NCOA2: variants seen among roughly 807,000 people sequenced by gnomAD.
NCOA2 encodes class E basic helix-loop-helix protein 75.
In NCOA2, 21 loss-of-function variants were observed where a neutral mutation model predicts 145.1. The ratio of observed to expected loss-of-function variants is 0.14; its 90% CI spans 0.10 to 0.21. The LOEUF (loss-of-function observed/expected upper bound fraction) is 0.21, where lower values mean the gene tolerates loss of function less well. Among genes scored for constraint, NCOA2 ranks in the 10% least tolerant of loss-of-function variants. The pLI is 1.00. For missense variants in NCOA2, 1,472 were observed against 1,837.6 expected (o/e 0.80, Z 3.64); for synonymous variants, 619 against 637.5 (o/e 0.97, Z 0.44).
intron 1 of NCOA2, among the ~76,000 whole-genome samples, chr8:70,342,801 AC>A (rs1808259188): frequency 6.7e-6 from 1 of 149,886 alleles, no homozygotes; most frequent in Non-Finnish European, 1.5e-5. Flanking sequence ...ACACACACAC[AC>A]ACACACACAC....
intron 1 of NCOA2, among the ~76,000 whole-genome samples, chr8:70,344,557 C>A (rs763777879): frequency 2.6e-5 from 4 of 152,138 alleles, no homozygotes; most frequent in African/African-American, 4.8e-5. Flanking sequence ...CTGCAAACAG[C>A]GGCAGTATTA....
chr8:70,449,911 G>A, the NCOA2 span, among the ~76,000 whole-genome samples: 1 of 152,240 alleles, frequency 6.6e-6, no homozygotes, highest in Non-Finnish European at 1.5e-5. Context: ...GGTTGGGACA[G>A]TATGAAATGC....
intron 2 of NCOA2, among the ~76,000 whole-genome samples, chr8:70,234,674 G>C (rs1821448011): frequency 6.6e-6 from 1 of 152,040 alleles, no homozygotes; most frequent in Non-Finnish European, 1.5e-5. Context: ...TCTTTGGAGA[G>C]GTGCCTACTC....
At chr8:70,304,172 C>T (rs1827705287) in intron 1 of NCOA2, among the ~76,000 whole-genome samples, 1 of 152,202 alleles carries the variant, frequency 6.6e-6, no homozygotes, top group African/African-American at 2.4e-5. Flanking sequence ...TGCATAACAA[C>T]ATTTGTCAAT....
At chr8:70,323,235 G>A (rs750804807) in intron 1 of NCOA2, among the ~76,000 whole-genome samples, 17 of 152,296 alleles carry the variant, frequency 1.1e-4, no homozygotes, top group Middle Eastern at 3.4e-3. Context: ...ATCCCTGCCT[G>A]AGTAGAGTTT....
At chr8:70,302,060 T>C (rs1239449928) in intron 1 of NCOA2, among the ~76,000 whole-genome samples, 1 of 152,154 alleles carries the variant, frequency 6.6e-6, no homozygotes, top group Non-Finnish European at 1.5e-5. Context: ...AAAAACACCT[T>C]TAAGTCACCA....
At chr8:70,303,772 A>C (rs762022338) in intron 1 of NCOA2, among the ~76,000 whole-genome samples, 1 of 152,132 alleles carries the variant, frequency 6.6e-6, no homozygotes, top group Admixed American at 6.5e-5. Flanking sequence ...AACTGACAAC[A>C]GTCTTTAACA....
chr8:70,261,450 G>GT (rs1824122746), intron 2 of NCOA2, among the ~76,000 whole-genome samples: 3 of 152,028 alleles, frequency 2.0e-5, no homozygotes, highest in Non-Finnish European at 2.9e-5. Flanking sequence ...GTGGGGTGGG[G>GT]GGAGGCGGGA....
intron 16 of NCOA2, 86 bp from the exon 17 acceptor site, chr8:70,129,066 T>A: frequency 7.8e-7 from 1 of 1,288,922 alleles, no homozygotes; most frequent in Non-Finnish European, 1.1e-6. Flanking sequence ...CTCACTATCA[T>A]ATATTTGAAG....
the NCOA2 span, among the ~76,000 whole-genome samples, chr8:70,439,316 C>T: frequency 3.3e-5 from 5 of 152,198 alleles, no homozygotes; most frequent in South Asian, 1.0e-3. Context: ...GCCGCATGGA[C>T]AAAGTGTAGC....
chr8:70,310,384 G>A (rs545789122), intron 1 of NCOA2, among the ~76,000 whole-genome samples: 4 of 150,064 alleles, frequency 2.7e-5, no homozygotes, highest in African/African-American at 9.8e-5. Context: ...TAGAGTGACC[G>A]AGAGTTTGAG....
At chr8:70,448,982 T>A in the NCOA2 span, among the ~76,000 whole-genome samples, 736 of 152,060 alleles carry the variant, frequency 4.8e-3, 2 homozygotes, top group African/African-American at 0.017. Context: ...TTAAAAAAAA[T>A]TTTTTTAGAG....
intron 4 of NCOA2, among the ~76,000 whole-genome samples, chr8:70,212,152 A>C (rs1819111787): frequency 1.3e-5 from 2 of 151,648 alleles, no homozygotes; most frequent in Non-Finnish European, 2.9e-5. Flanking sequence ...CTCAAAACTG[A>C]ATCATTCATA....
At chr8:70,268,834 A>G (rs537236887) in intron 2 of NCOA2, among the ~76,000 whole-genome samples, 4 of 152,330 alleles carry the variant, frequency 2.6e-5, no homozygotes, top group African/African-American at 9.6e-5. Context: ...CTATAAATAT[A>G]CTTTCAATGC....
chr8:70,238,055 A>G (rs1204351877), intron 2 of NCOA2, among the ~76,000 whole-genome samples: 1 of 152,192 alleles, frequency 6.6e-6, no homozygotes, highest in African/African-American at 2.4e-5. Flanking sequence ...AATTAAACAT[A>G]TGTGATTAAG....
chr8:70,222,196 T>C (rs1457459333), intron 2 of NCOA2, among the ~76,000 whole-genome samples: 1 of 152,198 alleles, frequency 6.6e-6, no homozygotes, highest in Non-Finnish European at 1.5e-5. Context: ...CTAGAATTTG[T>C]TTTCAAATAA....
chr8:70,427,514 G>A, the NCOA2 span, among the ~76,000 whole-genome samples: 111 of 106,544 alleles, frequency 1.0e-3, no homozygotes, highest in East Asian at 2.2e-3. Context: ...GCGAAATAGT[G>A]TTATATCATT....
At chr8:70,225,068 G>A (rs1820497091) in intron 2 of NCOA2, among the ~76,000 whole-genome samples, 1 of 152,136 alleles carries the variant, frequency 6.6e-6, no homozygotes, top group Non-Finnish European at 1.5e-5. Flanking sequence ...GGGGAATGCA[G>A]ATCACAACAA....
At chr8:70,279,084 C>G (rs567244946) in intron 2 of NCOA2, among the ~76,000 whole-genome samples, 1 of 152,214 alleles carries the variant, frequency 6.6e-6, no homozygotes, top group African/African-American at 2.4e-5. Context: ...CTTGGATGAT[C>G]TCGCCTTACC....
Sources: allele counts gnomAD v4.1 joint callset (sites outside exome capture counted in the v4.1 genomes callset), GRCh38; gene constraint gnomAD v4.1.1; transcripts MANE v1.5; gene names NCBI Gene and HGNC (gene_info 2026-07-23, HGNC 2026-07-21).